The following RGS12 variants were observed in gnomAD, a reference collection of about 807,000 sequenced individuals.
RGS12 encodes the protein regulator of G-protein signaling 12.
RGS12 carries 66 observed loss-of-function variants against 120.1 expected under a neutral mutation model. That is an observed-to-expected ratio of 0.55 (90% confidence interval 0.45 to 0.67). The LOEUF is 0.67. Among genes scored for constraint, RGS12 ranks in the 30% least tolerant of loss-of-function variants. RGS12 has a pLI of 0.00. For missense variants in RGS12, 1,859 were observed against 1,957.7 expected (o/e 0.95, Z 0.95); for synonymous variants, 827 against 804.7 (o/e 1.03, Z -0.47).
chr4:3,369,923 C>T, intron 3 of RGS12: 4 of 753,818 alleles, frequency 5.3e-6, no homozygotes, highest in Non-Finnish European at 6.8e-6. Flanking sequence ...TGAACTGCAC[C>T]ACGATGCTAA....
At chr4:3,391,727 T>G (rs1458432760) in intron 4 of RGS12, among the ~76,000 whole-genome samples, 2 of 142,708 alleles carry the variant, frequency 1.4e-5, no homozygotes, top group African/African-American at 3.1e-5. Flanking sequence ...CTGGCGTGTT[T>G]GGGGGCCTCG....
chr4:3,332,951 G>A (rs972153974), intron 2 of RGS12, among the ~76,000 whole-genome samples: 2 of 151,942 alleles, frequency 1.3e-5, no homozygotes, highest in East Asian at 1.9e-4. Flanking sequence ...TCAGCCTCCC[G>A]AGTAGCTGGG....
At chr4:3,312,914 T>C in intron 1 of RGS12, 1 of 150,934 alleles carries the variant, frequency 6.6e-6, no homozygotes. Flanking sequence ...TACAGTTTTC[T>C]CCAAAAAAAA....
intron 17 of RGS12, among the ~76,000 whole-genome samples, chr4:3,436,890 G>A (rs958259914): frequency 6.6e-6 from 1 of 152,064 alleles, no homozygotes; most frequent in Non-Finnish European, 1.5e-5. Flanking sequence ...GCAGGGAGCC[G>A]TGGGGCGCCG....
At chr4:3,380,678 C>T (rs777110072) in intron 3 of RGS12, among the ~76,000 whole-genome samples, 2 of 152,206 alleles carry the variant, frequency 1.3e-5, no homozygotes, top group Admixed American at 6.5e-5. Context: ...GAAGCAATGG[C>T]CTGAGCTCTA....
intron 2 of RGS12, among the ~76,000 whole-genome samples, chr4:3,340,977 C>G (rs1053503500): frequency 6.6e-6 from 1 of 151,912 alleles, no homozygotes. Flanking sequence ...CTCTGCCTGC[C>G]GGCTGCCCTC....
At chr4:3,309,797 C>A (rs367549778) in intron 1 of RGS12, among the ~76,000 whole-genome samples, 19 of 137,356 alleles carry the variant, frequency 1.4e-4, no homozygotes, top group Non-Finnish European at 2.7e-4. Context: ...CTGAGGGGAA[C>A]CGTGTTGAGG....
rs754063940 is a variant in RGS12, at chr4:3,414,161, C to G, written c.2110C>G (p.Leu704Val). Residue 704 changes from leucine (L) to valine (V), a missense_variant, in exon 5 of 18, where the codon CTG becomes GTG. Transcript: ENST00000336727. ...SLPSVQSCRR[L>V]RERRVASWAV... The stretch of plus-strand genomic sequence containing the variant: ...CCCCAGCGTGCAGAGCTGCCGGCGC[C>G]TGCGTGAGAGGAGGGTCGCCAGCTG... The G allele has an allele frequency of 1.0e-5, 16 of 1,558,604 alleles. No individual in the cohort carries two copies. In the South Asian group the frequency reaches 1.9e-4, roughly 18 times the overall value.
intron 4 of RGS12, among the ~76,000 whole-genome samples, chr4:3,405,680 G>A (rs1721038867): frequency 6.6e-6 from 1 of 152,186 alleles, no homozygotes; most frequent in Admixed American, 6.5e-5. Context: ...GTGTTTAGGG[G>A]CAAAGAGGCA....
chr4:3,304,796 C>T (rs1409134155), intron 1 of RGS12, among the ~76,000 whole-genome samples: 1 of 152,158 alleles, frequency 6.6e-6, no homozygotes, highest in Non-Finnish European at 1.5e-5. Flanking sequence ...GTGCTTATAG[C>T]AGGAATGGCA....
intron 15 of RGS12, 87 bp from the exon 16 acceptor site, chr4:3,428,471 C>T (rs1723908778): frequency 1.7e-6 from 2 of 1,168,992 alleles, no homozygotes; most frequent in Non-Finnish European, 2.4e-6. Flanking sequence ...CAATCTATTT[C>T]ATAGAGCCTT....
intron 3 of RGS12, among the ~76,000 whole-genome samples, chr4:3,347,324 T>G (rs138875672): frequency 0.018 from 2,724 of 152,042 alleles, 87 homozygotes; most frequent in African/African-American, 0.059. Flanking sequence ...GGCGCCTGTA[T>G]TCTCAGCTAC....
chr4:3,422,471 C>G lies in RGS12; in HGVS notation c.2934C>G (p.Val978=), dbSNP rs149260579. The change falls in exon 11 of 18, where the codon GTC becomes GTG. Residue 978 remains valine (V), a synonymous_variant. Coordinates refer to ENST00000336727, the MANE Select transcript of RGS12 (RefSeq NM_001394154.1). The part of the protein sequence containing the change: ...LPDGTSCVVA[V]KAGFSIKDIL... ...ATGGGACATCCTGCGTGGTGGCTGT[C>G]AAGGCGGGCTTCTCCATCAAAGACA... 17 of 1,613,020 alleles carry G rather than the reference C, an allele frequency of 1.1e-5. No individual in the cohort carries two copies. The African/African-American group carries it at 1.6e-4, about 15-fold the overall frequency.
chr4:3,310,692 G>A (rs202084415), intron 1 of RGS12, among the ~76,000 whole-genome samples: 1 of 152,086 alleles, frequency 6.6e-6, no homozygotes, highest in South Asian at 2.1e-4. Context: ...GGTGGGAGGG[G>A]GGTGCCAGGT....
rs904866990 is a variant in RGS12, at chr4:3,366,560, G to A, written c.1999-19856G>A. ...CCGTGAAGGAGGCAGCAGGGCTTGC[G>A]GCCGGGATCCACCAGGGCCGTCCCG... On this transcript the variant is annotated intron_variant, in intron 3 of 17. Coordinates refer to ENST00000336727, the MANE Select transcript of RGS12 (RefSeq NM_001394154.1). This position sits in a 1 kb window ranked among gnomAD's most constrained non-coding sequence, Gnocchi z 4.0. 2.6e-5 allele frequency among the ~76,000 whole-genome samples: 4 copies of A among 152,202 alleles called. No individual in the cohort carries two copies. Among genetic ancestry groups the A allele is most frequent in the East Asian group, 1.9e-4 (1 of 5,192 alleles).
intron 4 of RGS12, among the ~76,000 whole-genome samples, chr4:3,405,004 CA>C (rs1394844754): frequency 6.6e-6 from 1 of 152,026 alleles, no homozygotes; most frequent in African/African-American, 2.4e-5. Flanking sequence ...ACTGAGCTTC[CA>C]AAAAAGAAAG....
At chr4:3,312,316 G>C (rs1222243208) in intron 1 of RGS12, among the ~76,000 whole-genome samples, 1 of 152,218 alleles carries the variant, frequency 6.6e-6, no homozygotes, top group Non-Finnish European at 1.5e-5. Flanking sequence ...CTTGAGGTCA[G>C]AAGTTTGAGA....
intron 2 of RGS12, among the ~76,000 whole-genome samples, chr4:3,321,821 A>G (rs535029252): frequency 2.0e-5 from 3 of 152,376 alleles, no homozygotes; most frequent in East Asian, 1.9e-4. Context: ...CCTTAGCCCT[A>G]GAACAATCTT....
chr4:3,337,366 G>T (rs139820838), intron 2 of RGS12, among the ~76,000 whole-genome samples: 2 of 152,170 alleles, frequency 1.3e-5, no homozygotes. Context: ...CTACTTCTAC[G>T]TATATACCCA....
Sources: gnomAD v4.1 joint callset for allele counts (sites outside exome capture counted in the v4.1 genomes callset) on GRCh38, gnomAD v4.1.1 for gene constraint, Gnocchi (gnomAD v3.1) non-coding constraint, MANE v1.5 for transcripts, NCBI Gene and HGNC (gene_info 2026-07-23, HGNC 2026-07-21) for gene names.